The following MED12L variants were observed in gnomAD, a reference collection of about 807,000 sequenced individuals.
MED12L encodes the protein mediator of RNA polymerase II transcription subunit 12-like protein.
MED12L carries 60 observed loss-of-function variants against 281.3 expected under a neutral mutation model. The observed-to-expected ratio is 0.21, with a 90% CI of 0.17 to 0.26. The LOEUF (loss-of-function observed/expected upper bound fraction) is 0.26. MED12L is among the 10% of genes least tolerant of loss of function. MED12L has a pLI of 1.00. For synonymous variants in MED12L, 974 were observed against 987.2 expected (o/e 0.99, Z 0.25); for missense variants, 2,146 against 2,680.9 (o/e 0.80, Z 4.41).
At chr3:151,431,183 G>A (rs2108487426) in intron 44 of MED12L, among the ~76,000 whole-genome samples, 1 of 152,324 alleles carries the variant, frequency 6.6e-6, no homozygotes, top group South Asian at 2.1e-4. Context: ...TCTGGATTGT[G>A]TAGTTTTTCC....
intron 16 of MED12L, among the ~76,000 whole-genome samples, chr3:151,281,327 T>C (rs1222198166): frequency 6.8e-6 from 1 of 147,448 alleles, no homozygotes; most frequent in Non-Finnish European, 1.5e-5. Context: ...GGAGAATCAC[T>C]CGAACCCGGG....
At chr3:151,157,302 A>G (rs2148941487) in intron 6 of MED12L, among the ~76,000 whole-genome samples, 1 of 152,254 alleles carries the variant, frequency 6.6e-6, no homozygotes, top group African/African-American at 2.4e-5. Context: ...AGTAATGTTA[A>G]AATTTAAATG....
intron 16 of MED12L, among the ~76,000 whole-genome samples, chr3:151,325,200 C>G (rs1749453221): frequency 6.6e-6 from 1 of 152,088 alleles, no homozygotes; most frequent in Non-Finnish European, 1.5e-5. Context: ...TGAGAATTCT[C>G]ACTCCTTCTC....
In MED12L at chr3:151,253,647, C is replaced by CT. The variant is rs372272782; in HGVS notation, c.2250+59988dup. Among the ~76,000 whole-genome samples the CT allele has an allele frequency of 5.3e-5, 8 of 152,098 alleles. No individual in the cohort carries two copies. The South Asian group carries it at 1.5e-3, about 28-fold the overall frequency. On this transcript the variant is annotated intron_variant, in intron 16 of 44. Coordinates refer to ENST00000687756, the MANE Select transcript of MED12L (RefSeq NM_001393769.1). ...TGATGGCTGTGTCTTCTGATTTTTT[C>CT]TTTTTTTGTGAGGGGGTGGGTGGGT...
At chr3:151,276,548 A>T (rs1004476929) in intron 16 of MED12L, among the ~76,000 whole-genome samples, 1 of 152,178 alleles carries the variant, frequency 6.6e-6, no homozygotes, top group Non-Finnish European at 1.5e-5. Flanking sequence ...CTCACTTGTG[A>T]CCGACCTAAC....
At chr3:151,157,240 T>TC (rs1719407159) in intron 6 of MED12L, among the ~76,000 whole-genome samples, 1 of 152,038 alleles carries the variant, frequency 6.6e-6, no homozygotes, top group African/African-American at 2.4e-5. Flanking sequence ...ATTAGAATTT[T>TC]TTTTTTTTTA....
At chr3:151,320,764 A>C (rs373980395) in intron 16 of MED12L, among the ~76,000 whole-genome samples, 17 of 152,234 alleles carry the variant, frequency 1.1e-4, no homozygotes, top group Admixed American at 9.8e-4. Flanking sequence ...AACTTAATCT[A>C]TCTCCTTGCT....
At chr3:151,165,613 CT>C in intron 10 of MED12L, 94 bp downstream of exon 10, 1 of 1,122,628 alleles carries the variant, frequency 8.9e-7, no homozygotes. Flanking sequence ...AATAAGGCAG[CT>C]TTTTGACAGA....
At chr3:151,264,900 G>A (rs978337204) in intron 16 of MED12L, among the ~76,000 whole-genome samples, 1 of 152,002 alleles carries the variant, frequency 6.6e-6, no homozygotes, top group Non-Finnish European at 1.5e-5. Context: ...CCACTGCCTT[G>A]CCCTTCTCTT....
At position 151,186,323 on chromosome 3, in the gene MED12L, T is replaced by G. The variant is rs1273521228; in HGVS notation, c.1626+862T>G. 2.0e-5 allele frequency among the ~76,000 whole-genome samples: 3 copies of G among 152,120 alleles called. No individual in the cohort carries two copies. In the East Asian group the frequency reaches 5.8e-4, roughly 29 times the overall value. Reference sequence around the variant, plus strand: ...CAACTTTGAGGCATCTTACCTCATCTCTCTGCTTCCTCTACACAGCAACTG... The same window carrying G: ...CAACTTTGAGGCATCTTACCTCATCGCTCTGCTTCCTCTACACAGCAACTG... On this transcript the variant is annotated intron_variant, in intron 12 of 44. Coordinates refer to ENST00000687756, the MANE Select transcript of MED12L (RefSeq NM_001393769.1).
At chr3:151,210,063 T>G (rs1031638268) in intron 16 of MED12L, among the ~76,000 whole-genome samples, 1 of 152,224 alleles carries the variant, frequency 6.6e-6, no homozygotes, top group Admixed American at 6.5e-5. Context: ...TAGGGTGCTT[T>G]AGGCTCTCTT....
chr3:151,091,442 A>G (rs1560036198), intron 2 of MED12L, among the ~76,000 whole-genome samples: 1 of 152,232 alleles, frequency 6.6e-6, no homozygotes, highest in Non-Finnish European at 1.5e-5. Flanking sequence ...ATCCCAGGTA[A>G]TCTGATGGTG....
chr3:151,322,651 T>A (rs535401234), intron 16 of MED12L, among the ~76,000 whole-genome samples: 1 of 152,274 alleles, frequency 6.6e-6, no homozygotes, highest in East Asian at 1.9e-4. Flanking sequence ...TTTGACTAAA[T>A]TTAGAGTGTA....
chr3:151,286,175 A>G (rs1210341714), intron 16 of MED12L, among the ~76,000 whole-genome samples: 1 of 151,910 alleles, frequency 6.6e-6, no homozygotes, highest in Non-Finnish European at 1.5e-5. Flanking sequence ...ACATGGCTCT[A>G]CCTCCTGATC....
At chr3:151,232,046 G>A (rs564850062) in intron 16 of MED12L, among the ~76,000 whole-genome samples, 4 of 152,136 alleles carry the variant, frequency 2.6e-5, no homozygotes, top group Non-Finnish European at 4.4e-5. Flanking sequence ...CCTGTGCTCC[G>A]TGCCTGACAG....
chr3:151,206,413 G>A (rs1726364659), intron 16 of MED12L, among the ~76,000 whole-genome samples: 2 of 151,808 alleles, frequency 1.3e-5, no homozygotes, highest in African/African-American at 4.8e-5. Context: ...CCTTTTGGTT[G>A]TCTGCCTTTT....
intron 16 of MED12L, among the ~76,000 whole-genome samples, chr3:151,220,481 T>C (rs1729125409): frequency 6.6e-6 from 1 of 152,184 alleles, no homozygotes; most frequent in Non-Finnish European, 1.5e-5. Context: ...GGTTTGGCTC[T>C]GTGTCCCCAC....
At chr3:151,171,443 T>TAA (rs1180665967) in intron 11 of MED12L, among the ~76,000 whole-genome samples, 1 of 152,140 alleles carries the variant, frequency 6.6e-6, no homozygotes, top group East Asian at 1.9e-4. Context: ...AGCTGCCTTT[T>TAA]CACTTCTCTC....
chr3:151,191,020 T>A lies in MED12L; in HGVS notation c.1968+89T>A, dbSNP rs1340591052. The A allele has an allele frequency of 4.4e-6, 5 of 1,145,784 alleles. No homozygotes were observed. In the African/African-American group the frequency reaches 4.6e-5, roughly 11 times the overall value. The allele number at this position is 1,145,784 out of a possible 1,614,324, so 71.0% of individuals were successfully genotyped here. A position where few individuals can be genotyped will look rare whatever the true frequency, so the allele number is the denominator to read the frequency against. On this transcript the variant is annotated intron_variant, in intron 14 of 44. Transcript: ENST00000687756. The stretch of plus-strand genomic sequence containing the variant: ...AATGGGTCATGTAGTGGTAGAAGAG[T>A]GATGGCTTTTTGTTGTATTCTTTTG...
Sources: gnomAD v4.1 joint callset for allele counts (sites outside exome capture counted in the v4.1 genomes callset) on GRCh38, gnomAD v4.1.1 for gene constraint, MANE v1.5 for transcripts, NCBI Gene and HGNC (gene_info 2026-07-23, HGNC 2026-07-21) for gene names.